LRP8: variants seen among roughly 807,000 people sequenced by gnomAD.
LRP8 encodes the protein low-density lipoprotein receptor-related protein 8.
A neutral mutation model predicts 111.6 loss-of-function variants in LRP8; 46 were observed. The observed-to-expected ratio is 0.41, with a 90% CI of 0.33 to 0.53. The LOEUF is 0.53. Ranked by LOEUF, LRP8 falls within the 20% of genes least tolerant of loss-of-function variation. LRP8 has a pLI of 0.20. For missense variants in LRP8, 959 were observed against 1,297.4 expected (o/e 0.74, Z 4.01); for synonymous variants, 464 against 511.2 (o/e 0.91, Z 1.24).
intron 13 of LRP8, among the ~76,000 whole-genome samples, chr1:53,258,710 C>T (rs542903011): frequency 1.3e-5 from 2 of 151,710 alleles, no homozygotes; most frequent in South Asian, 2.1e-4. Flanking sequence ...ACCTGTAACC[C>T]AAGTGTAGTG....
At chr1:53,298,414 G>A (rs755322438) in intron 2 of LRP8, among the ~76,000 whole-genome samples, 4 of 152,152 alleles carry the variant, frequency 2.6e-5, no homozygotes, top group Admixed American at 6.5e-5. Context: ...CCTGGCTGGC[G>A]CCTGCAAAGG....
At chr1:53,324,866 G>C (rs1889541) in intron 2 of LRP8, among the ~76,000 whole-genome samples, 51,902 of 152,038 alleles carry the variant, frequency 0.34, 9,169 homozygotes, top group African/African-American at 0.44. Flanking sequence ...ACAGTGCCCT[G>C]AACTCGAGGC....
intron 8 of LRP8, chr1:53,268,538 C>T (rs1646658105): frequency 6.6e-6 from 1 of 152,178 alleles, no homozygotes; most frequent in Non-Finnish European, 1.5e-5. Context: ...TTATGGGCTA[C>T]ATGTCAGTAT....
intron 2 of LRP8, among the ~76,000 whole-genome samples, chr1:53,320,491 C>T (rs548332265): frequency 7.7e-4 from 117 of 152,304 alleles, no homozygotes; most frequent in Middle Eastern, 6.8e-3. Flanking sequence ...TGCGAGGAGG[C>T]AGCCAGGCCC....
chr1:53,298,535 T>G (rs1650192916), intron 2 of LRP8, among the ~76,000 whole-genome samples: 1 of 152,132 alleles, frequency 6.6e-6, no homozygotes, highest in Admixed American at 6.5e-5. Flanking sequence ...GTTTTGGCAC[T>G]GGGATTGTGG....
At chr1:53,321,367 C>G (rs1654489461) in intron 2 of LRP8, among the ~76,000 whole-genome samples, 1 of 152,130 alleles carries the variant, frequency 6.6e-6, no homozygotes, top group South Asian at 2.1e-4. Context: ...CCTGGGGCTG[C>G]AAGGCCTGGC....
chr1:53,303,577 CG>C lies in LRP8; in HGVS notation c.245-13889del, dbSNP rs1189235524. 1.1e-4 allele frequency among the ~76,000 whole-genome samples: 16 copies of C among 152,208 alleles called. No homozygotes were observed. Among genetic ancestry groups the C allele is most frequent in the Non-Finnish European group, 1.9e-4 (13 of 68,030 alleles). On this transcript the variant is annotated intron_variant, in intron 2 of 18. Coordinates refer to ENST00000306052, the MANE Select transcript of LRP8 (RefSeq NM_004631.5). This position sits in a 1 kb window ranked among gnomAD's most constrained non-coding sequence, Gnocchi z 4.3. ...TCTCCCTGTCTCAGGATCTGAGAATCGTAAAACACACAATTTACAAGTACTT... is the reference window on the plus strand; with the variant it reads ...TCTCCCTGTCTCAGGATCTGAGAATCTAAAACACACAATTTACAAGTACTT...
chr1:53,297,251 T>C (rs990058278), intron 2 of LRP8, among the ~76,000 whole-genome samples: 1 of 152,212 alleles, frequency 6.6e-6, no homozygotes, highest in Admixed American at 6.5e-5. Flanking sequence ...CAAGACTCCA[T>C]GACAGCTACC....
At chr1:53,280,099 C>T (rs1374117951) in intron 4 of LRP8, among the ~76,000 whole-genome samples, 4 of 152,206 alleles carry the variant, frequency 2.6e-5, no homozygotes, top group East Asian at 3.9e-4. Context: ...CAGCAACAGT[C>T]GTCCTTGACA....
chr1:53,248,159 T>C (rs568451481), intron 18 of LRP8, among the ~76,000 whole-genome samples: 2 of 152,250 alleles, frequency 1.3e-5, no homozygotes, highest in East Asian at 3.9e-4. Context: ...GTAACCAACA[T>C]AAAATAGAAT....
chr1:53,322,077 G>A (rs1036431386), intron 2 of LRP8, among the ~76,000 whole-genome samples: 2 of 152,046 alleles, frequency 1.3e-5, no homozygotes, highest in South Asian at 2.1e-4. Context: ...AAGACCAGAC[G>A]TCAGGTACCT....
At position 53,260,500 on chromosome 1, in the gene LRP8, C is replaced by G. The variant is rs1315504455; in HGVS notation, c.2020G>C (p.Asp674His). ...TTCAGCTCATGGAAGATGACAATGT[C>G]ATGTGGGTTGTTGAGGTTCTCAGCC... ...ILAENLNNPH[D>H]IVIFHELKQP... The change falls in exon 13 of 19, where the codon GAC becomes CAC. Residue 674 changes from aspartate (D) to histidine (H), a missense_variant. By Grantham distance (81) the Asp-to-His change is moderately conservative. Around this residue, in one of 3 missense-constraint regions of LRP8, gnomAD observed 819 missense variants for 1,097.6 expected, o/e 0.75. Coordinates refer to ENST00000306052, the MANE Select transcript of LRP8 (RefSeq NM_004631.5). 1 of 1,614,194 alleles carries G rather than the reference C, an allele frequency of 6.2e-7. No individual in the cohort carries two copies. The highest frequency in any genetic ancestry group is 2.2e-5 in the East Asian group (1 of 44,880).
rs1646579751 is a variant in LRP8 at position 53,266,756 on chromosome 1, ATAG to A, written c.1253-112_1253-110del. 1 of 958,336 alleles carries A rather than the reference ATAG, an allele frequency of 1.0e-6. No individual in the cohort carries two copies. Among genetic ancestry groups the A allele is most frequent in the Non-Finnish European group, 1.6e-6 (1 of 615,574 alleles). The allele number at this position is 958,336 out of a possible 1,614,324, so 59.4% of individuals were successfully genotyped here. ...GGCTGACACATCCATTTTCCTTAAA[ATAG>A]TAGTGACAATTCCTACTTTACAGGT... On this transcript the variant is annotated intron_variant, in intron 8 of 18. Transcript: ENST00000306052. This position sits in a 1 kb window ranked among gnomAD's most constrained non-coding sequence, Gnocchi z 5.0.
Position 53,280,576 on chromosome 1 carries a change from C to G in LRP8, c.496+11G>C. 6.2e-7 allele frequency: 1 copy of G among 1,611,054 alleles called. No individual in the cohort carries two copies. On this transcript the variant is annotated intron_variant, in intron 4 of 18. Coordinates refer to ENST00000306052, the MANE Select transcript of LRP8 (RefSeq NM_004631.5). ...GCTTGGCAGACCCTGGAGATCTGACCCCAGACTCACAGGTAGCACAGCCGG... is the reference window on the plus strand; with the variant it reads ...GCTTGGCAGACCCTGGAGATCTGACGCCAGACTCACAGGTAGCACAGCCGG...
chr1:53,256,727 T>C (rs962879926), intron 15 of LRP8, among the ~76,000 whole-genome samples: 2 of 152,236 alleles, frequency 1.3e-5, no homozygotes, highest in African/African-American at 4.8e-5. Flanking sequence ...GTGAACTTAA[T>C]TATTTTCATC....
intron 2 of LRP8, among the ~76,000 whole-genome samples, chr1:53,296,519 CAG>C (rs1649750419): frequency 6.6e-6 from 1 of 152,234 alleles, no homozygotes; most frequent in East Asian, 1.9e-4. Flanking sequence ...TACCCTTCGA[CAG>C]AGCTCGCCAT....
chr1:53,250,967 T>G lies in LRP8; in HGVS notation c.2504-105A>C, dbSNP rs1645877063. The G allele has an allele frequency of 1.1e-6, 1 of 907,358 alleles. No individual in the cohort carries two copies. Among genetic ancestry groups the G allele is most frequent in the Admixed American group, 2.0e-5 (1 of 50,118 alleles). The allele number at this position is 907,358 out of a possible 1,614,324, so 56.2% of individuals were successfully genotyped here. A position where few individuals can be genotyped will look rare whatever the true frequency, so the allele number is the denominator to read the frequency against. ...CTCCACTTTTACTACCCTTTGCTCC[T>G]CAGGCTCTGTTTCTGCATGTTCTTT... On this transcript the variant is annotated intron_variant, in intron 16 of 18. Transcript: ENST00000306052. This position sits in a 1 kb window ranked among gnomAD's most constrained non-coding sequence, Gnocchi z 4.6.
At chr1:53,256,272 T>G (rs1646084482) in intron 15 of LRP8, among the ~76,000 whole-genome samples, 1 of 152,214 alleles carries the variant, frequency 6.6e-6, no homozygotes, top group Non-Finnish European at 1.5e-5. Context: ...ATCTAACAGT[T>G]AAGGGGAGAA....
Position 53,326,896 on chromosome 1 carries a change from T to C in LRP8, c.221A>G (p.Asp74Gly). 1.2e-6 allele frequency: 2 copies of C among 1,613,808 alleles called. No homozygotes were observed. Among genetic ancestry groups the C allele is most frequent in the Non-Finnish European group, 1.7e-6 (2 of 1,179,956 alleles). ...WRCDEDDDCL[D>G]HSDEDDCPKK... ...ACGGCAGTCGTCCTCGTCGCTGTGG[T>C]CTAAGCAGTCATCGTCCTCGTCGCA... Residue 74 changes from aspartate to glycine, a missense_variant, in exon 2 of 19, where the codon GAC (aspartate) becomes GGC (glycine). This residue lies in a region of LRP8 where 97 missense variants were observed against 107.5 expected (regional missense o/e 0.90). Coordinates refer to ENST00000306052, the MANE Select transcript of LRP8 (RefSeq NM_004631.5).
Sources: allele counts gnomAD v4.1 joint callset (sites outside exome capture counted in the v4.1 genomes callset), GRCh38; gene constraint gnomAD v4.1.1; regional missense constraint gnomAD v4.1.1; non-coding constraint Gnocchi (gnomAD v3.1); transcripts MANE v1.5; gene names NCBI Gene and HGNC (gene_info 2026-07-23, HGNC 2026-07-21).